RPRD1B: variants seen among roughly 807,000 people sequenced by gnomAD.
RPRD1B encodes the protein regulation of nuclear pre-mRNA domain containing 1B.
Under a neutral mutation model 41.5 loss-of-function variants are expected in RPRD1B, and 11 were observed. The observed-to-expected ratio is 0.27, with a 90% CI of 0.17 to 0.44. The LOEUF (loss-of-function observed/expected upper bound fraction) is 0.44, where lower values mean the gene tolerates loss of function less well. RPRD1B is among the 20% of genes least tolerant of loss of function. RPRD1B has a pLI of 1.00. For synonymous variants in RPRD1B, 158 were observed against 155.6 expected (o/e 1.02, Z -0.12); for missense variants, 248 against 389.9 (o/e 0.64, Z 3.06).
intron 6 of RPRD1B, among the ~76,000 whole-genome samples, chr20:38,074,674 A>G (rs1454712110): frequency 2.0e-5 from 3 of 152,194 alleles, no homozygotes; most frequent in African/African-American, 7.2e-5. Context: ...ATGAAGTTAA[A>G]ACAGCACCTG....
chr20:38,091,122 A>G lies in RPRD1B; in HGVS notation c.*1247A>G, dbSNP rs1027183913. On this transcript the variant is annotated 3_prime_UTR_variant, in exon 7 of 7. Transcript: ENST00000373433. Reference sequence around the variant, plus strand: ...CAGCCTGCCAATTGTAAATCATTCTAATTTGGCAGGCTTATTTTTGACATT... The same window carrying G: ...CAGCCTGCCAATTGTAAATCATTCTGATTTGGCAGGCTTATTTTTGACATT... 1.0e-6 allele frequency: 1 copy of G among 985,760 alleles called. No homozygotes were observed. Among genetic ancestry groups the G allele is most frequent in the Non-Finnish European group, 1.2e-6 (1 of 829,908 alleles). 61.1% of individuals were successfully genotyped at this position (985,760 alleles called of 1,614,324 possible).
At chr20:38,036,705 G>A (rs1463494166) in intron 1 of RPRD1B, among the ~76,000 whole-genome samples, 4 of 152,288 alleles carry the variant, frequency 2.6e-5, no homozygotes, top group East Asian at 3.9e-4. Flanking sequence ...TATAAACAGC[G>A]CTATCTAATA....
At position 38,076,906 on chromosome 20, in the gene RPRD1B, C is replaced by CTTTTTT. The variant is rs573460686; in HGVS notation, c.831+10675_831+10680dup. ...CCTTTAGCCTTTTCTCATTCTGGAC[C>CTTTTTT]TTTTTTTTTTTTTTTTTTTTTTTTT... On this transcript the variant is annotated intron_variant, in intron 6 of 6. Coordinates refer to ENST00000373433, the MANE Select transcript of RPRD1B (RefSeq NM_021215.4). Among the ~76,000 whole-genome samples, 46 of 63,524 alleles carry CTTTTTT rather than the reference C, an allele frequency of 7.2e-4. 9 individuals carry two copies. The highest frequency in any genetic ancestry group is 1.2e-3 in the African/African-American group (15 of 12,514). The allele number at this position is 63,524 out of a possible 152,430, so 41.7% of individuals were successfully genotyped here.
intron 6 of RPRD1B, among the ~76,000 whole-genome samples, chr20:38,082,494 C>T (rs2074522599): frequency 1.3e-5 from 2 of 152,190 alleles, no homozygotes; most frequent in Admixed American, 1.3e-4. Flanking sequence ...TCACACCATT[C>T]TCCTGCCTCA....
intron 6 of RPRD1B, chr20:38,070,593 G>C: frequency 1.0e-6 from 1 of 985,456 alleles, no homozygotes; most frequent in Non-Finnish European, 1.2e-6. Flanking sequence ...TGTCTTGTCA[G>C]CGTGAATAAA....
chr20:38,038,357 G>GGAGTGCA (rs1432448837), intron 1 of RPRD1B, among the ~76,000 whole-genome samples: 1 of 150,978 alleles, frequency 6.6e-6, no homozygotes, highest in Non-Finnish European at 1.5e-5. Context: ...CACCCAGGTG[G>GGAGTGCA]GAGTGCAGTT....
At chr20:38,034,655 G>A (rs2073976194) in intron 1 of RPRD1B, among the ~76,000 whole-genome samples, 1 of 152,178 alleles carries the variant, frequency 6.6e-6, no homozygotes, top group African/African-American at 2.4e-5. Context: ...CTCGCACTCA[G>A]TCCTTAGAAC....
chr20:38,075,807 G>T (rs1019522591), intron 6 of RPRD1B, among the ~76,000 whole-genome samples: 15 of 152,226 alleles, frequency 9.9e-5, no homozygotes, highest in Non-Finnish European at 2.2e-4. Flanking sequence ...GAGCCCCAAA[G>T]ATATGGCATG....
chr20:38,073,881 T>C (rs1568659327), intron 6 of RPRD1B, among the ~76,000 whole-genome samples: 1 of 152,206 alleles, frequency 6.6e-6, no homozygotes, highest in Non-Finnish European at 1.5e-5. Context: ...ATCCACTGTG[T>C]TCTCCTGGGA....
At chr20:38,073,001 AC>A (rs1255485717) in intron 6 of RPRD1B, among the ~76,000 whole-genome samples, 6 of 152,222 alleles carry the variant, frequency 3.9e-5, no homozygotes, top group Non-Finnish European at 7.3e-5. Context: ...TGGTGAAGAA[AC>A]CTAGAGAGAG....
intron 3 of RPRD1B, among the ~76,000 whole-genome samples, chr20:38,050,014 A>G (rs6097507): frequency 0.58 from 88,815 of 152,044 alleles, 28,548 homozygotes; most frequent in African/African-American, 0.87. Context: ...TCACTGTGTG[A>G]TGAACTCATT....
chr20:38,034,205 G>C (rs1002623459), intron 1 of RPRD1B, 107 bp downstream of exon 1: 1 of 1,253,258 alleles, frequency 8.0e-7, no homozygotes, highest in Non-Finnish European at 1.1e-6. Flanking sequence ...TTCCAGGCCT[G>C]ATCGAGCTTC....
chr20:38,048,640 A>T (rs2074146035), intron 3 of RPRD1B, 159 bp downstream of exon 3: 1 of 957,806 alleles, frequency 1.0e-6, no homozygotes, highest in Admixed American at 6.2e-5. Flanking sequence ...TGTAGTGCTC[A>T]CAGCGTGTAA....
chr20:38,058,950 G>A (rs113154535), intron 4 of RPRD1B, among the ~76,000 whole-genome samples: 1 of 152,158 alleles, frequency 6.6e-6, no homozygotes, highest in Non-Finnish European at 1.5e-5. Flanking sequence ...CTGGGCTCAA[G>A]TGATCCTCCT....
chr20:38,056,537 G>A (rs1009613987), intron 3 of RPRD1B, among the ~76,000 whole-genome samples: 1 of 152,218 alleles, frequency 6.6e-6, no homozygotes, highest in African/African-American at 2.4e-5. Flanking sequence ...AGCAAAAAAT[G>A]TGTATGTATC....
chr20:38,046,763 G>C (rs2074125516), intron 2 of RPRD1B, among the ~76,000 whole-genome samples: 1 of 152,190 alleles, frequency 6.6e-6, no homozygotes, highest in East Asian at 1.9e-4. Flanking sequence ...CAGGAGGTTG[G>C]AGGACGGGGG....
Position 38,091,420 on chromosome 20 carries a change from C to G in RPRD1B, c.*1545C>G, listed in dbSNP as rs1029887679. 1.1e-5 allele frequency: 11 copies of G among 985,356 alleles called. No homozygotes were observed. The highest frequency in any genetic ancestry group is 4.7e-5 in the South Asian group (1 of 21,280). 61.0% of individuals were successfully genotyped at this position (985,356 alleles called of 1,614,324 possible). A position where few individuals can be genotyped will look rare whatever the true frequency, so the allele number is the denominator to read the frequency against. On this transcript the variant is annotated 3_prime_UTR_variant, in exon 7 of 7. Coordinates refer to ENST00000373433, the MANE Select transcript of RPRD1B (RefSeq NM_021215.4). ...GAACAATGAAAAGTCATAGCAGATA[C>G]TCAGTTTAACTCTGTGTAGAACCTA...
chr20:38,084,980 C>T (rs1391444487), intron 6 of RPRD1B, among the ~76,000 whole-genome samples: 1 of 152,158 alleles, frequency 6.6e-6, no homozygotes, highest in Non-Finnish European at 1.5e-5. Flanking sequence ...ATTCGGGGCC[C>T]CCCACGGCTC....
chr20:38,058,708 T>C (rs2074268111), intron 4 of RPRD1B, among the ~76,000 whole-genome samples: 1 of 152,088 alleles, frequency 6.6e-6, no homozygotes, highest in African/African-American at 2.4e-5. Flanking sequence ...ACATATAATT[T>C]TTTCCTTCTC....
Sources: allele counts gnomAD v4.1 joint callset (sites outside exome capture counted in the v4.1 genomes callset), GRCh38; gene constraint gnomAD v4.1.1; transcripts MANE v1.5; gene names NCBI Gene and HGNC (gene_info 2026-07-23, HGNC 2026-07-21).